Variants in ZNF346 observed in about 807,000 individuals in gnomAD.
The protein encoded by ZNF346 is zinc finger protein 346.
ZNF346 carries 23 observed loss-of-function variants against 33.7 expected under a neutral mutation model. That is an observed-to-expected ratio of 0.68 (90% confidence interval 0.49 to 0.97). The LOEUF is 0.97. ZNF346 is among the 50% of genes least tolerant of loss of function. The pLI, the probability that ZNF346 is intolerant of heterozygous loss-of-function variation, is 0.00. For missense variants in ZNF346, 340 were observed against 371.1 expected (o/e 0.92, Z 0.69); for synonymous variants, 134 against 142.4 (o/e 0.94, Z 0.42).
rs11952852 is a variant in ZNF346 at position 177,026,077 on chromosome 5, G to A, written c.175+3164G>A. ...ATGATCTCAGCTCACTGCAACCTTC[G>A]TCTCCCTGGTTCTCCTGGAGGAGGT... On this transcript the variant is annotated intron_variant, in intron 1 of 6. Coordinates refer to ENST00000358149, the MANE Select transcript of ZNF346 (RefSeq NM_012279.4). Among the ~76,000 whole-genome samples the A allele has an allele frequency of 4.3e-3, 642 of 149,944 alleles. 9 individuals carry two copies. Among genetic ancestry groups the A allele is most frequent in the African/African-American group, 0.015 (596 of 40,722 alleles).
At chr5:177,058,494 T>C (rs946704313) in intron 5 of ZNF346, among the ~76,000 whole-genome samples, 4 of 151,828 alleles carry the variant, frequency 2.6e-5, no homozygotes, top group African/African-American at 9.7e-5. Context: ...TAAAATAAAA[T>C]AACTAGGCAG....
At chr5:177,075,610 G>A (rs1783710736) in intron 8 of ZNF346, among the ~76,000 whole-genome samples, 1 of 152,044 alleles carries the variant, frequency 6.6e-6, no homozygotes, top group Non-Finnish European at 1.5e-5. Flanking sequence ...TCGATCTCCT[G>A]GGCTCAAACA....
In ZNF346 at chr5:177,050,951, C is replaced by G; in HGVS notation, c.703+15C>G. The G allele has an allele frequency of 4.4e-6, 7 of 1,606,278 alleles. No individual in the cohort carries two copies. Among genetic ancestry groups the G allele is most frequent in the Non-Finnish European group, 6.0e-6 (7 of 1,173,004 alleles). ...TGACTTTCCAGGTGAGGGGGCCTAG[C>G]TCACACCCAGAGCTGGACCAGGGTT... On this transcript the variant is annotated intron_variant, in intron 5 of 6. Transcript: ENST00000358149.
At chr5:177,073,857 A>G (rs1783622540) in intron 8 of ZNF346, among the ~76,000 whole-genome samples, 1 of 151,906 alleles carries the variant, frequency 6.6e-6, no homozygotes. Context: ...CAGTCTCTTG[A>G]ATCTGAACTA....
At chr5:177,028,712 T>C (rs1251657448) in intron 1 of ZNF346, among the ~76,000 whole-genome samples, 17 of 113,078 alleles carry the variant, frequency 1.5e-4, no homozygotes, top group African/African-American at 5.1e-4. Flanking sequence ...CCTTTCTTTT[T>C]TTTTTTTTTT....
At chr5:177,044,961 A>T (rs906641033) in intron 4 of ZNF346, among the ~76,000 whole-genome samples, 1 of 152,146 alleles carries the variant, frequency 6.6e-6, no homozygotes, top group Non-Finnish European at 1.5e-5. Context: ...TACTCACTTT[A>T]ATCCTCAAAA....
intron 8 of ZNF346, among the ~76,000 whole-genome samples, chr5:177,078,125 CAACAGAG>C (rs1783841850): frequency 1.3e-5 from 2 of 151,932 alleles, no homozygotes. Flanking sequence ...CCAGCCTGGG[CAACAGAG>C]CAAGACTCCA....
intron 5 of ZNF346, among the ~76,000 whole-genome samples, chr5:177,058,222 T>G (rs566478567): frequency 1.6e-4 from 24 of 150,666 alleles, no homozygotes; most frequent in African/African-American, 5.8e-4. Flanking sequence ...CGCCTGTAAT[T>G]CCAGCACTTT....
At chr5:177,064,162 T>C (rs1464178109) in intron 6 of ZNF346, among the ~76,000 whole-genome samples, 1 of 152,206 alleles carries the variant, frequency 6.6e-6, no homozygotes, top group Admixed American at 6.5e-5. Context: ...CCAAATGGAA[T>C]GAGTTTTTAT....
intron 8 of ZNF346, among the ~76,000 whole-genome samples, chr5:177,074,954 T>TA (rs1284895066): frequency 1.3e-5 from 2 of 151,122 alleles, no homozygotes; most frequent in Non-Finnish European, 2.9e-5. Context: ...TAGTCCCAGC[T>TA]ACTCGGGAGG....
chr5:177,023,918 G>A (rs1024023101), intron 1 of ZNF346, among the ~76,000 whole-genome samples: 1 of 151,202 alleles, frequency 6.6e-6, no homozygotes, highest in Non-Finnish European at 1.5e-5. Context: ...TCTAAGGAAG[G>A]TACACAGACC....
intron 1 of ZNF346, 83 bp downstream of exon 1, chr5:177,022,996 C>A: frequency 6.9e-7 from 1 of 1,449,144 alleles, no homozygotes; most frequent in Non-Finnish European, 9.1e-7. Flanking sequence ...ACGGTCACAC[C>A]CCCTGGCCCG....
intron 8 of ZNF346, among the ~76,000 whole-genome samples, chr5:177,073,410 C>T (rs1321131934): frequency 1.3e-5 from 2 of 152,098 alleles, no homozygotes; most frequent in Non-Finnish European, 2.9e-5. Context: ...CTCAAGTGAT[C>T]CTCCCACCTC....
chr5:177,049,627 GTCT>G (rs1780587142), intron 4 of ZNF346, among the ~76,000 whole-genome samples: 1 of 152,150 alleles, frequency 6.6e-6, no homozygotes, highest in Non-Finnish European at 1.5e-5. Context: ...TAGCCTTCAG[GTCT>G]TCTTGCCACA....
At chr5:177,075,856 T>G (rs1783722860) in intron 8 of ZNF346, among the ~76,000 whole-genome samples, 1 of 152,012 alleles carries the variant, frequency 6.6e-6, no homozygotes, top group East Asian at 1.9e-4. Flanking sequence ...CCAGCTAATT[T>G]TTGTACTTTT....
At chr5:177,074,930 G>T (rs1202453139) in intron 8 of ZNF346, among the ~76,000 whole-genome samples, 2 of 151,884 alleles carry the variant, frequency 1.3e-5, no homozygotes, top group African/African-American at 4.8e-5. Context: ...GCCGGGCATG[G>T]TGGTGGGCAT....
intron 6 of ZNF346, among the ~76,000 whole-genome samples, chr5:177,063,210 C>T (rs1350872135): frequency 6.6e-6 from 1 of 152,166 alleles, no homozygotes; most frequent in Non-Finnish European, 1.5e-5. Context: ...CCAGCATAAC[C>T]TTCTGAGATA....
intron 1 of ZNF346, among the ~76,000 whole-genome samples, chr5:177,034,632 T>C (rs1778219604): frequency 6.6e-6 from 1 of 152,240 alleles, no homozygotes; most frequent in South Asian, 2.1e-4. Context: ...ATACTCTAGA[T>C]GGCATCTCTC....
intron 4 of ZNF346, among the ~76,000 whole-genome samples, chr5:177,045,023 A>T (rs1779847063): frequency 6.6e-6 from 1 of 152,220 alleles, no homozygotes; most frequent in African/African-American, 2.4e-5. Flanking sequence ...TGAATACTTC[A>T]GTGCTGCTAC....
Sources: allele counts gnomAD v4.1 joint callset (sites outside exome capture counted in the v4.1 genomes callset), GRCh38; gene constraint gnomAD v4.1.1; transcripts MANE v1.5; gene names NCBI Gene and HGNC (gene_info 2026-07-23, HGNC 2026-07-21).